ARHGEF9: variants seen among roughly 807,000 people sequenced by gnomAD.
ARHGEF9 encodes the protein Cdc42 guanine nucleotide exchange factor 9, also known as rho guanine nucleotide exchange factor 9.
ARHGEF9 carries 2 observed loss-of-function variants against 41.3 expected under a neutral mutation model. The observed-to-expected ratio is 0.05, with a 90% CI of 0.02 to 0.15. The LOEUF is 0.15. Ranked by LOEUF, ARHGEF9 falls within the 10% of genes least tolerant of loss-of-function variation. The pLI is 1.00. For missense variants in ARHGEF9, 225 were observed against 424.7 expected (o/e 0.53, Z 4.13); for synonymous variants, 160 against 154.4 (o/e 1.04, Z -0.27).
At chrX:63,668,682 C>A (rs1403590764) in intron 6 of ARHGEF9, among the ~76,000 whole-genome samples, 1 of 112,015 alleles carries the variant, frequency 8.9e-6, no homozygotes, top group Non-Finnish European at 1.9e-5. Flanking sequence ...ATAAGCTCAA[C>A]ATAAGTGATA....
chrX:63,743,377 A>G (rs1269258731), intron 1 of ARHGEF9: 6 of 112,691 alleles, frequency 5.3e-5, no homozygotes, highest in Non-Finnish European at 1.1e-4. Flanking sequence ...ACCTGAGTCA[A>G]TCAAAGCAAT....
intron 1 of ARHGEF9, among the ~76,000 whole-genome samples, chrX:63,770,711 A>C (rs1361876129): frequency 1.8e-5 from 2 of 111,647 alleles, no homozygotes; most frequent in Non-Finnish European, 3.8e-5. Context: ...AAATCATGGG[A>C]GTGGTTTCCT....
intron 2 of ARHGEF9, among the ~76,000 whole-genome samples, chrX:63,712,307 C>T (rs2052990836): frequency 8.9e-6 from 1 of 111,957 alleles, no homozygotes; most frequent in South Asian, 3.6e-4. Flanking sequence ...CATGCTCACA[C>T]AAATTCTTGT....
chrX:63,686,497 C>T (rs1165555120), intron 4 of ARHGEF9, among the ~76,000 whole-genome samples: 6 of 110,904 alleles, frequency 5.4e-5, no homozygotes, highest in Admixed American at 2.9e-4. Flanking sequence ...CCCTAAAACC[C>T]GACTTGATCA....
At chrX:63,730,650 T>G (rs868986639) in intron 1 of ARHGEF9, among the ~76,000 whole-genome samples, 1 of 111,953 alleles carries the variant, frequency 8.9e-6, no homozygotes, top group Non-Finnish European at 1.9e-5. Context: ...GGGAATCACA[T>G]CTGGAGAACC....
At chrX:63,733,387 G>C (rs1383160284) in intron 1 of ARHGEF9, among the ~76,000 whole-genome samples, 1 of 112,168 alleles carries the variant, frequency 8.9e-6, no homozygotes, top group Non-Finnish European at 1.9e-5. Context: ...GATCACCAGG[G>C]AAAGAGGCAG....
intron 6 of ARHGEF9, among the ~76,000 whole-genome samples, chrX:63,669,613 T>C (rs1556352903): frequency 9.0e-6 from 1 of 111,011 alleles, no homozygotes; most frequent in Non-Finnish European, 1.9e-5. Flanking sequence ...GTGTTGTTCC[T>C]TTAGCACACA....
At chrX:63,725,227 G>C (rs1344889064) in intron 1 of ARHGEF9, among the ~76,000 whole-genome samples, 1 of 109,986 alleles carries the variant, frequency 9.1e-6, no homozygotes, top group Non-Finnish European at 1.9e-5. Context: ...CATTCCTCAC[G>C]CATAATGGAC....
At position 63,643,817 on chromosome X, in the gene ARHGEF9, G is replaced by A. The variant is rs141945280; in HGVS notation, c.1390+163C>T. Among the ~76,000 whole-genome samples, 1,019 of 110,664 alleles carry A rather than the reference G, an allele frequency of 9.2e-3. 1 individual carries two copies. Among genetic ancestry groups the A allele is most frequent in the Middle Eastern group, 0.042 (9 of 213 alleles). On this transcript the variant is annotated intron_variant, in intron 9 of 9. Transcript: ENST00000671741. ...TATACTATTCACTCCTTAGCCTTAA[G>A]CATTTAAAACCATTTGCTACCTGTC... is the stretch of plus-strand genomic sequence containing the variant.
intron 4 of ARHGEF9, among the ~76,000 whole-genome samples, chrX:63,689,646 TACGTA>T (rs1167545626): frequency 2.7e-5 from 3 of 112,192 alleles, no homozygotes; most frequent in Non-Finnish European, 3.8e-5. Flanking sequence ...AGACCAAATG[TACGTA>T]ACTGAAAATA....
intron 7 of ARHGEF9, among the ~76,000 whole-genome samples, chrX:63,661,940 T>C (rs2049249738): frequency 8.9e-6 from 1 of 112,182 alleles, no homozygotes; most frequent in Non-Finnish European, 1.9e-5. Flanking sequence ...TGAGGCCACA[T>C]GCTCATGGAG....
At chrX:63,666,984 T>A (rs1321758889) in intron 6 of ARHGEF9, among the ~76,000 whole-genome samples, 1 of 111,705 alleles carries the variant, frequency 9.0e-6, no homozygotes, top group Non-Finnish European at 1.9e-5. Flanking sequence ...GGAGCTTATG[T>A]CTTCATGGAG....
At chrX:63,721,252 G>A (rs2053618065) in intron 2 of ARHGEF9, among the ~76,000 whole-genome samples, 1 of 111,924 alleles carries the variant, frequency 8.9e-6, no homozygotes. Context: ...AAAAGGAAAA[G>A]TTGGGTTTCC....
intron 1 of ARHGEF9, chrX:63,736,957 A>G (rs2054648379): frequency 1.8e-5 from 2 of 111,728 alleles, no homozygotes; most frequent in Non-Finnish European, 3.8e-5. Flanking sequence ...AATTTAATAT[A>G]TAAAGAACTA....
At chrX:63,783,297 G>A (rs782712257) in intron 1 of ARHGEF9, among the ~76,000 whole-genome samples, 20 of 101,445 alleles carry the variant, frequency 2.0e-4, no homozygotes, top group Non-Finnish European at 3.4e-4. Context: ...TTTTTGAGAT[G>A]GAGTTTCGCT....
chrX:63,697,391 G>T (rs2051827501), intron 3 of ARHGEF9, 87 bp from the exon 4 acceptor site: 5 of 893,598 alleles, frequency 5.6e-6, no homozygotes, highest in Non-Finnish European at 6.4e-6. Context: ...GCCTCATTTT[G>T]GTCCCAAGAA....
chrX:63,661,604 T>C (rs1298606811), intron 7 of ARHGEF9, among the ~76,000 whole-genome samples: 5 of 112,059 alleles, frequency 4.5e-5, no homozygotes, highest in Non-Finnish European at 9.4e-5. Context: ...CAGAGTCTTA[T>C]CTGGATTTTT....
Position 63,637,902 on chromosome X carries a change from G to T in ARHGEF9, c.*126C>A, listed in dbSNP as rs1163205564. On this transcript the variant is annotated 3_prime_UTR_variant, in exon 10 of 10. Transcript: ENST00000671741. The stretch of plus-strand genomic sequence containing the variant: ...TGTGTCTGTGTGTGTGTGTGTGTAT[G>T]TGTACTCAAGGGTCTCTGTGTGTGT... 4 of 475,555 alleles carry T rather than the reference G, an allele frequency of 8.4e-6. No homozygotes were observed. The highest frequency in any genetic ancestry group is 1.4e-5 in the Non-Finnish European group (4 of 286,230). The allele number at this position is 475,555 out of a possible 1,213,427, so 39.2% of individuals were successfully genotyped here.
At chrX:63,735,805 C>A (rs1388400326) in intron 1 of ARHGEF9, among the ~76,000 whole-genome samples, 1 of 112,074 alleles carries the variant, frequency 8.9e-6, no homozygotes, top group Non-Finnish European at 1.9e-5. Flanking sequence ...ATGTAAGTAT[C>A]TCCCAGGGAG....
Sources: gnomAD v4.1 joint callset for allele counts (sites outside exome capture counted in the v4.1 genomes callset) on GRCh38, gnomAD v4.1.1 for gene constraint, MANE v1.5 for transcripts, NCBI Gene and HGNC (gene_info 2026-07-23, HGNC 2026-07-21) for gene names.